FYB1: variants seen among roughly 807,000 people sequenced by gnomAD.
The protein encoded by FYB1 is FYN binding protein 1.
Under a neutral mutation model 94.1 loss-of-function variants are expected in FYB1, and 41 were observed. That is an observed-to-expected ratio of 0.44 (90% CI 0.34 to 0.57). The LOEUF is 0.57. Ranked by LOEUF, FYB1 falls within the 20% of genes least tolerant of loss-of-function variation. The pLI is 0.02. For missense variants in FYB1, 1,050 were observed against 976.8 expected, an observed-to-expected ratio of 1.07 and a Z score of -1.00; for synonymous variants, 367 against 353.2, an observed-to-expected ratio of 1.04 and a Z score of -0.44.
intron 1 of FYB1, among the ~76,000 whole-genome samples, chr5:39,273,207 A>G (rs960153246): frequency 3.9e-5 from 6 of 152,230 alleles, no homozygotes; most frequent in Non-Finnish European, 8.8e-5. Context: ...GAAAAGGGGA[A>G]AAGGTGGGGA....
intron 2 of FYB1, among the ~76,000 whole-genome samples, chr5:39,155,628 C>T (rs1743679011): frequency 6.6e-6 from 1 of 152,110 alleles, no homozygotes; most frequent in South Asian, 2.1e-4. Flanking sequence ...AATTTGAGAA[C>T]AGATAATTAT....
intron 17 of FYB1, among the ~76,000 whole-genome samples, chr5:39,110,124 C>T (rs779312275): frequency 6.6e-6 from 1 of 152,046 alleles, no homozygotes; most frequent in Non-Finnish European, 1.5e-5. Context: ...TAACTATGAG[C>T]TGTACAATTT....
intron 12 of FYB1, among the ~76,000 whole-genome samples, chr5:39,124,922 C>CACAT (rs1399491932): frequency 6.7e-6 from 1 of 149,598 alleles, no homozygotes; most frequent in Non-Finnish European, 1.5e-5. Flanking sequence ...ACTCCACACA[C>CACAT]ACACACACAC....
At chr5:39,157,543 C>T (rs1476379254) in intron 2 of FYB1, among the ~76,000 whole-genome samples, 2 of 152,050 alleles carry the variant, frequency 1.3e-5, no homozygotes, top group Non-Finnish European at 2.9e-5. Flanking sequence ...AAAAAAAGCT[C>T]TCAAGAACTG....
intron 1 of FYB1, among the ~76,000 whole-genome samples, chr5:39,230,165 G>T (rs566007897): frequency 6.6e-6 from 1 of 152,298 alleles, no homozygotes; most frequent in African/African-American, 2.4e-5. Context: ...AGAGCAATTA[G>T]GTTAAGAATC....
intron 1 of FYB1, among the ~76,000 whole-genome samples, chr5:39,206,490 T>A (rs1748869761): frequency 6.6e-6 from 1 of 152,216 alleles, no homozygotes; most frequent in Non-Finnish European, 1.5e-5. Context: ...ATCTATTCAA[T>A]TATCTAGTAC....
chr5:39,217,366 A>G lies in FYB1; in HGVS notation c.-28+2077T>C, dbSNP rs115706232. On this transcript the variant is annotated intron_variant, in intron 1 of 18. Coordinates refer to ENST00000512982, the MANE Select transcript of FYB1 (RefSeq NM_001465.6). ...GTAAGGGATCTGTCCAGGTTCACAC[A>G]GTTGGGCTAAAATCTGGGTCTCTCC... 5.6e-3 allele frequency among the ~76,000 whole-genome samples: 857 copies of G among 152,306 alleles called. 3 individuals carry two copies. The highest frequency in any genetic ancestry group is 7.1e-3 in the Non-Finnish European group (486 of 68,012).
intron 2 of FYB1, among the ~76,000 whole-genome samples, chr5:39,180,864 C>T (rs1400863831): frequency 1.3e-5 from 2 of 152,086 alleles, no homozygotes; most frequent in African/African-American, 4.8e-5. Context: ...ATATTACCAC[C>T]GTACATTTTT....
At chr5:39,126,726 A>G (rs66773730) in intron 11 of FYB1, among the ~76,000 whole-genome samples, 57,418 of 140,090 alleles carry the variant, frequency 0.41, 14,513 homozygotes, top group African/African-American at 0.71. Flanking sequence ...AAAAGCTTGG[A>G]CATCAATTTT....
intron 16 of FYB1, among the ~76,000 whole-genome samples, chr5:39,117,115 AG>A (rs1375961288): frequency 2.0e-5 from 3 of 152,324 alleles, no homozygotes; most frequent in South Asian, 4.1e-4. Context: ...AGTAGAGGGC[AG>A]AAAATACATC....
chr5:39,219,319 A>G (rs1579722461), intron 1 of FYB1, 124 bp downstream of exon 1: 1 of 507,420 alleles, frequency 2.0e-6, no homozygotes, highest in East Asian at 1.5e-4. Flanking sequence ...CCAACAGAAC[A>G]TGCGTTTCCT....
intron 3 of FYB1, among the ~76,000 whole-genome samples, chr5:39,151,490 A>T (rs138155111): frequency 6.6e-6 from 1 of 151,978 alleles, no homozygotes; most frequent in Non-Finnish European, 1.5e-5. Context: ...GGGTCTCGCT[A>T]TATTGCCCAG....
At chr5:39,213,765 A>G (rs1424732127) in intron 1 of FYB1, among the ~76,000 whole-genome samples, 1 of 152,082 alleles carries the variant, frequency 6.6e-6, no homozygotes, top group Non-Finnish European at 1.5e-5. Flanking sequence ...AGTTGGTTAC[A>G]TGAACCATCT....
At chr5:39,108,649 A>G (rs1431257349) in intron 17 of FYB1, among the ~76,000 whole-genome samples, 4 of 152,072 alleles carry the variant, frequency 2.6e-5, no homozygotes, top group Non-Finnish European at 5.9e-5. Flanking sequence ...TGAATTTCGA[A>G]TGGTGAATTA....
At chr5:39,117,776 T>G (rs1342319830) in intron 16 of FYB1, among the ~76,000 whole-genome samples, 2 of 152,208 alleles carry the variant, frequency 1.3e-5, no homozygotes, top group African/African-American at 4.8e-5. Flanking sequence ...GTAGTGGCTA[T>G]CCAGTTTCAA....
At chr5:39,230,067 T>C (rs1750655282) in intron 1 of FYB1, among the ~76,000 whole-genome samples, 3 of 152,172 alleles carry the variant, frequency 2.0e-5, no homozygotes, top group South Asian at 2.1e-4. Context: ...GTAGGCAAAA[T>C]AACGTCCCCA....
At chr5:39,131,733 G>A (rs747190257) in intron 9 of FYB1, among the ~76,000 whole-genome samples, 2 of 152,170 alleles carry the variant, frequency 1.3e-5, no homozygotes, top group Non-Finnish European at 2.9e-5. Context: ...GAAGCAGGCA[G>A]TTGGAATTAT....
intron 1 of FYB1, among the ~76,000 whole-genome samples, chr5:39,264,330 G>C (rs926696812): frequency 6.6e-6 from 1 of 152,202 alleles, no homozygotes; most frequent in East Asian, 1.9e-4. Context: ...CAATCTGCAA[G>C]AGGGCCCTTA....
At chr5:39,153,686 A>C in intron 2 of FYB1, 82 bp from the exon 3 acceptor site, 1 of 1,382,876 alleles carries the variant, frequency 7.2e-7, no homozygotes, top group Non-Finnish European at 9.8e-7. Context: ...AGTTGGCTAC[A>C]GATAAAATAA....
Sources: gnomAD v4.1 joint callset for allele counts (sites outside exome capture counted in the v4.1 genomes callset) on GRCh38, gnomAD v4.1.1 for gene constraint, MANE v1.5 for transcripts, NCBI Gene and HGNC (gene_info 2026-07-23, HGNC 2026-07-21) for gene names.